TEX2: variants seen among roughly 807,000 people sequenced by gnomAD.
TEX2 encodes testis expressed 2.
Under a neutral mutation model 106.9 loss-of-function variants are expected in TEX2, and 53 were observed. That is an observed-to-expected ratio of 0.50 (90% CI 0.40 to 0.62). The LOEUF is 0.62. TEX2 is among the 20% of genes least tolerant of loss of function. The pLI is 0.00. For synonymous variants in TEX2, 523 were observed against 534.8 expected (o/e 0.98, Z 0.30); for missense variants, 1,207 against 1,379.0 (o/e 0.88, Z 1.98).
Position 64,148,842 on chromosome 17 carries a change from G to A in TEX2, c.*127C>T, listed in dbSNP as rs549788788. 13 of 1,203,434 alleles carry A rather than the reference G, an allele frequency of 1.1e-5. No individual in the cohort carries two copies. Among genetic ancestry groups the A allele is most frequent in the Non-Finnish European group, 1.5e-5 (13 of 856,964 alleles). The allele number at this position is 1,203,434 out of a possible 1,614,324, so 74.5% of individuals were successfully genotyped here. A position where few individuals can be genotyped will look rare whatever the true frequency, so the allele number is the denominator to read the frequency against. ...AGTGGAATGGGCACTGGCAGGCAGA[G>A]GGCAGAAGCAGTCCTTTAAGAAACA... On this transcript the variant is annotated 3_prime_UTR_variant, in exon 12 of 12. Transcript: ENST00000584379.
intron 1 of TEX2, among the ~76,000 whole-genome samples, chr17:64,220,558 T>A (rs1204215101): frequency 6.8e-6 from 1 of 147,000 alleles, no homozygotes; most frequent in Non-Finnish European, 1.5e-5. Flanking sequence ...GAACAGACAT[T>A]TCTCAAAAGA....
At chr17:64,227,822 G>T (rs1476675111) in intron 1 of TEX2, among the ~76,000 whole-genome samples, 1 of 152,222 alleles carries the variant, frequency 6.6e-6, no homozygotes, top group Non-Finnish European at 1.5e-5. Flanking sequence ...CTGTTCAGAA[G>T]ATTAAACGAA....
intron 1 of TEX2, among the ~76,000 whole-genome samples, chr17:64,223,002 C>T (rs2033402264): frequency 6.6e-6 from 1 of 152,194 alleles, no homozygotes; most frequent in East Asian, 1.9e-4. Flanking sequence ...AAGTTCATCT[C>T]TCCCATTAAG....
intron 6 of TEX2, among the ~76,000 whole-genome samples, chr17:64,174,562 C>A (rs375463225): frequency 2.3e-4 from 35 of 152,276 alleles, no homozygotes; most frequent in African/African-American, 8.2e-4. Context: ...CTGTTCTTTT[C>A]GACAATAAAC....
At chr17:64,155,006 C>T (rs758335216) in intron 8 of TEX2, 39 bp from the exon 9 acceptor site, 2 of 1,513,738 alleles carry the variant, frequency 1.3e-6, no homozygotes, top group Non-Finnish European at 1.8e-6. Context: ...CCTGCCCTCA[C>T]CCAAGCTCTG....
intron 2 of TEX2, among the ~76,000 whole-genome samples, chr17:64,210,630 C>A (rs1555631381): frequency 8.8e-6 from 1 of 113,474 alleles, no homozygotes; most frequent in African/African-American, 3.1e-5. Context: ...TCCCCAACCC[C>A]CAGCTTTTTT....
intron 8 of TEX2, among the ~76,000 whole-genome samples, chr17:64,157,971 C>A (rs922025804): frequency 6.6e-6 from 1 of 152,202 alleles, no homozygotes; most frequent in Non-Finnish European, 1.5e-5. Context: ...AAAGGCAGAG[C>A]GCTCCCTTTA....
At chr17:64,199,140 A>C (rs2032574972) in intron 2 of TEX2, among the ~76,000 whole-genome samples, 1 of 152,236 alleles carries the variant, frequency 6.6e-6, no homozygotes, top group Non-Finnish European at 1.5e-5. Flanking sequence ...CGTCTTTCCT[A>C]AATCAGAAAA....
chr17:64,199,286 G>C (rs1187679623), intron 2 of TEX2, among the ~76,000 whole-genome samples: 1 of 152,098 alleles, frequency 6.6e-6, no homozygotes, highest in Non-Finnish European at 1.5e-5. Flanking sequence ...GCCCAGGCTG[G>C]AGTGCAGTGG....
intron 8 of TEX2, among the ~76,000 whole-genome samples, chr17:64,160,406 CTT>C (rs1333861928): frequency 6.6e-6 from 1 of 152,190 alleles, no homozygotes; most frequent in Non-Finnish European, 1.5e-5. Flanking sequence ...ATAATTCTGA[CTT>C]TGTGATTAAA....
intron 6 of TEX2, among the ~76,000 whole-genome samples, chr17:64,171,979 C>CAAAAA (rs11322413): frequency 7.5e-6 from 1 of 133,308 alleles, no homozygotes; most frequent in Non-Finnish European, 1.6e-5. Flanking sequence ...GACTCTGCGT[C>CAAAAA]AAAAAAAAAA....
At chr17:64,176,050 C>A (rs2031604621) in intron 6 of TEX2, among the ~76,000 whole-genome samples, 1 of 152,180 alleles carries the variant, frequency 6.6e-6, no homozygotes, top group African/African-American at 2.4e-5. Context: ...TTGTCTCCTG[C>A]TATGGAACTG....
chr17:64,244,731 A>AT (rs1315891050), intron 1 of TEX2, among the ~76,000 whole-genome samples: 1 of 152,082 alleles, frequency 6.6e-6, no homozygotes, highest in East Asian at 1.9e-4. Flanking sequence ...TAACACGTAC[A>AT]TTTCCCCCTC....
rs369154070 is a variant in TEX2, at chr17:64,213,723, G to T, written c.495C>A (p.Ser165=). 30 of 1,614,046 alleles carry T rather than the reference G, an allele frequency of 1.9e-5. No individual in the cohort carries two copies. The highest frequency in any genetic ancestry group is 2.1e-5 in the Non-Finnish European group (25 of 1,180,052). ...AGAGGATGGGAGACTTAGAAGGAGA[G>T]GACAATGGGGAGGAAGAACTGGTTT... ...EQKTSSSSPL[S]SPSKSPILSS... Residue 165 remains serine, a synonymous_variant, in exon 2 of 12, where the codon TCC becomes TCA. Coordinates refer to ENST00000584379, the MANE Select transcript of TEX2 (RefSeq NM_001288732.2). The surrounding 1 kb of genome is among the most constrained non-coding windows in gnomAD (Gnocchi z 4.4).
At chr17:64,259,907 C>A (rs1867623) in intron 1 of TEX2, among the ~76,000 whole-genome samples, 1 of 152,130 alleles carries the variant, frequency 6.6e-6, no homozygotes, top group Non-Finnish European at 1.5e-5. Context: ...TTACAAGATG[C>A]TTTTTTTCCC....
chr17:64,205,416 A>G lies in TEX2; in HGVS notation c.1644+7158T>C, dbSNP rs541629025. On this transcript the variant is annotated intron_variant, in intron 2 of 11. Coordinates refer to ENST00000584379, the MANE Select transcript of TEX2 (RefSeq NM_001288732.2). This position sits in a 1 kb window ranked among gnomAD's most constrained non-coding sequence, Gnocchi z 4.0. ...AAAACCATACATAAAAACTCAGGTAACCCATTATAGGGGCAGGATATTTTC... is the reference window on the plus strand; with the variant it reads ...AAAACCATACATAAAAACTCAGGTAGCCCATTATAGGGGCAGGATATTTTC... Among the ~76,000 whole-genome samples, 1 of 152,276 alleles carries G rather than the reference A, an allele frequency of 6.6e-6. No individual in the cohort carries two copies. Among genetic ancestry groups the G allele is most frequent in the East Asian group, 1.9e-4 (1 of 5,164 alleles).
chr17:64,154,977 G>T lies in TEX2; in HGVS notation c.2805-10C>A. On this transcript the variant is annotated splice_polypyrimidine_tract_variant and intron_variant, in intron 8 of 11. Transcript: ENST00000584379. ...TGCCCGGGGCCTGCAACTGGACAGA[G>T]AGAGAGTCACCACCACTGCCTGCCC... 6.4e-7 allele frequency: 1 copy of T among 1,565,826 alleles called. No homozygotes were observed. The highest frequency in any genetic ancestry group is 1.8e-5 in the Admixed American group (1 of 55,368).
chr17:64,152,891 T>C, intron 10 of TEX2, 54 bp downstream of exon 10: 1 of 1,554,864 alleles, frequency 6.4e-7, no homozygotes, highest in Non-Finnish European at 8.8e-7. Context: ...CTGGGATTTC[T>C]GTGGCCATGC....
At chr17:64,252,031 T>C (rs1598230666) in intron 1 of TEX2, among the ~76,000 whole-genome samples, 1 of 152,252 alleles carries the variant, frequency 6.6e-6, no homozygotes, top group East Asian at 1.9e-4. Flanking sequence ...GTATATGGAA[T>C]ACTCCAACCT....
Sources: gnomAD v4.1 joint callset for allele counts (sites outside exome capture counted in the v4.1 genomes callset) on GRCh38, gnomAD v4.1.1 for gene constraint, Gnocchi (gnomAD v3.1) non-coding constraint, MANE v1.5 for transcripts, NCBI Gene and HGNC (gene_info 2026-07-23, HGNC 2026-07-21) for gene names.